MAIP1: variants seen among roughly 807,000 people sequenced by gnomAD.
MAIP1 encodes m-AAA protease-interacting protein 1, mitochondrial.
MAIP1 carries 28 observed loss-of-function variants against 31.2 expected under a neutral mutation model. The ratio of observed to expected loss-of-function variants is 0.90; its 90% CI spans 0.67 to 1.23. The LOEUF is 1.23. MAIP1 is among the 50% of genes most tolerant of loss of function. The probability of loss-of-function intolerance (pLI) is 0.00; values close to 1 mark genes in which losing one functional copy is unlikely to be tolerated. For missense variants in MAIP1, 339 were observed against 356.0 expected (o/e 0.95, Z 0.38); for synonymous variants, 142 against 142.3 (o/e 1.00, Z 0.02).
At position 199,955,819 on chromosome 2, in the gene MAIP1, G is replaced by C; in HGVS notation, c.21G>C (p.Leu7Phe). Reference protein sequence around the residue: MALAARLLPQFLHSRSL... With the variant: MALAARFLPQFLHSRSL... ...TAAAAATGGCGCTGGCCGCTCGTTT[G>C]CTACCCCAGTTCCTGCACTCTCGGT... Residue 7 changes from leucine to phenylalanine, a missense_variant, in exon 1 of 5, where the codon TTG (leucine) becomes TTC (phenylalanine). Physicochemically the swap from Leu to Phe is conservative, Grantham distance 22. Transcript: ENST00000392290. 6.6e-7 allele frequency: 1 copy of C among 1,516,708 alleles called. No individual in the cohort carries two copies. Among genetic ancestry groups the C allele is most frequent in the Non-Finnish European group, 8.8e-7 (1 of 1,134,126 alleles). 94.0% of individuals were successfully genotyped at this position (1,516,708 alleles called of 1,614,324 possible). A position where few individuals can be genotyped will look rare whatever the true frequency, so the allele number is the denominator to read the frequency against.
intron 1 of MAIP1, 116 bp from the exon 2 acceptor site, chr2:199,959,152 G>A (rs544952343): frequency 8.1e-6 from 5 of 615,908 alleles, no homozygotes; most frequent in Non-Finnish European, 1.5e-5. Flanking sequence ...AATATTTGAT[G>A]TTGTTTATCA....
At chr2:199,955,456 G>T (rs371095372), upstream of MAIP1, 1 of 1,613,832 alleles carries the variant, frequency 6.2e-7, no homozygotes, top group Non-Finnish European at 8.5e-7. Flanking sequence ...GTACCGGGAG[G>T]TGCTGCCCGG....
Position 199,955,664 on chromosome 2 carries a change from G to A in MAIP1, c.-135G>A, listed in dbSNP as rs1345187295. The A allele has an allele frequency of 8.9e-6, 10 of 1,122,816 alleles. No individual in the cohort carries two copies. The highest frequency in any genetic ancestry group is 1.1e-5 in the Non-Finnish European group (9 of 808,186). 69.6% of individuals were successfully genotyped at this position (1,122,816 alleles called of 1,614,324 possible). ...GGCTGCGTGCTGGAGAGCGGGGACG[G>A]GGCCGACTCACCAGAGGCTGCAGCA... On this transcript the variant is annotated 5_prime_UTR_variant, in exon 1 of 5. Coordinates refer to ENST00000392290, the MANE Select transcript of MAIP1 (RefSeq NM_001394955.1).
In MAIP1 at chr2:199,955,795, A is replaced by C. The variant is rs1244479366; in HGVS notation, c.-4A>C. The C allele has an allele frequency of 6.6e-7, 1 of 1,515,948 alleles. No individual in the cohort carries two copies. The highest frequency in any genetic ancestry group is 1.4e-5 in the African/African-American group (1 of 71,572). 93.9% of individuals were successfully genotyped at this position (1,515,948 alleles called of 1,614,324 possible). On this transcript the variant is annotated 5_prime_UTR_variant, in exon 1 of 5. Coordinates refer to ENST00000392290, the MANE Select transcript of MAIP1 (RefSeq NM_001394955.1). The stretch of plus-strand genomic sequence containing the variant: ...GGCAGGCACCGGTGTGAAGGGTCAT[A>C]AAAATGGCGCTGGCCGCTCGTTTGC...
In MAIP1 at chr2:199,957,429, C is replaced by T. The variant is rs539408180; in HGVS notation, c.450+1181C>T. Among the ~76,000 whole-genome samples the T allele has an allele frequency of 2.6e-5, 4 of 152,224 alleles. No homozygotes were observed. In the East Asian group the frequency reaches 5.8e-4, roughly 22 times the overall value. ...CAAACAAAAAAACCACAATAGAAGT[C>T]AGAAAGTTTATTTCCCGCTTCATAC... On this transcript the variant is annotated intron_variant, in intron 1 of 4. Coordinates refer to ENST00000392290, the MANE Select transcript of MAIP1 (RefSeq NM_001394955.1).
rs146994812 is a variant in MAIP1 at position 199,961,928 on chromosome 2, A to G, written c.797A>G (p.Glu266Gly). The G allele has an allele frequency of 6.2e-7, 1 of 1,611,084 alleles. No individual in the cohort carries two copies. The highest frequency in any genetic ancestry group is 1.3e-5 in the African/African-American group (1 of 74,832). The change falls in exon 4 of 5, where the codon GAG becomes GGG. Residue 266 changes from glutamate to glycine, a missense_variant and splice_region_variant. Glu to Gly is a moderately conservative substitution (Grantham distance 98). Transcript: ENST00000392290. ...ETKQLLSASY[E>G]FQREFTQGVK... ...AAACAACTTCTTAGTGCAAGCTATGAGTAAGTTTAATCAGATTTCATTGTT... is the reference window on the plus strand; with the variant it reads ...AAACAACTTCTTAGTGCAAGCTATGGGTAAGTTTAATCAGATTTCATTGTT...
upstream of MAIP1, chr2:199,955,339 A>G (rs1292979626): frequency 2.5e-6 from 4 of 1,589,680 alleles, no homozygotes; most frequent in Non-Finnish European, 3.4e-6. Flanking sequence ...TCCGAAAGGT[A>G]AAGACGTGTC....
At chr2:199,963,671 T>G in intron 4 of MAIP1, 62 bp from the exon 5 acceptor site, 1 of 965,580 alleles carries the variant, frequency 1.0e-6, no homozygotes, top group East Asian at 2.5e-5. Flanking sequence ...GCAAATTACA[T>G]AGTTATCTAA....
At chr2:199,958,734 C>G (rs2077621100) in intron 1 of MAIP1, among the ~76,000 whole-genome samples, 1 of 152,198 alleles carries the variant, frequency 6.6e-6, no homozygotes. Flanking sequence ...GTTTTTCCCT[C>G]CTTGAAAATG....
intron 1 of MAIP1, among the ~76,000 whole-genome samples, chr2:199,956,518 GC>G (rs1358714415): frequency 6.6e-6 from 1 of 152,172 alleles, no homozygotes; most frequent in East Asian, 1.9e-4. Flanking sequence ...CTGTGATCGT[GC>G]CATTGCACTC....
chr2:199,960,984 T>C (rs2077633546), intron 3 of MAIP1, among the ~76,000 whole-genome samples: 1 of 152,214 alleles, frequency 6.6e-6, no homozygotes, highest in Admixed American at 6.5e-5. Context: ...CCATGGTCAC[T>C]AACTAATTTT....
upstream of MAIP1, chr2:199,955,579 G>C (rs2077593379): frequency 7.1e-7 from 1 of 1,415,460 alleles, no homozygotes; most frequent in African/African-American, 1.4e-5. Flanking sequence ...CCGCGAGGCC[G>C]GCAGACTCCA....
Position 199,955,969 on chromosome 2 carries a change from C to T in MAIP1, c.171C>T (p.Ser57=). The change falls in exon 1 of 5, where the codon AGC becomes AGT. Residue 57 remains serine, a synonymous_variant. Coordinates refer to ENST00000392290, the MANE Select transcript of MAIP1 (RefSeq NM_001394955.1). ...LGLGAALFPR[S]ARALAASALP... is the part of the protein sequence containing the mutation. The stretch of plus-strand genomic sequence containing the variant: ...TGGGAGCGGCGTTATTTCCACGAAG[C>T]GCTAGGGCCTTGGCAGCCTCGGCGC... 6.2e-7 allele frequency: 1 copy of T among 1,612,066 alleles called. No individual in the cohort carries two copies. The highest frequency in any genetic ancestry group is 1.7e-4 in the Middle Eastern group (1 of 6,050).
At chr2:199,963,703 G>T in intron 4 of MAIP1, 30 bp from the exon 5 acceptor site, 1 of 1,387,220 alleles carries the variant, frequency 7.2e-7, no homozygotes. Flanking sequence ...ACTGATGTAA[G>T]ATTTACATTA....
In MAIP1 at chr2:199,955,797, A is replaced by T; in HGVS notation, c.-2A>T. ...CAGGCACCGGTGTGAAGGGTCATAA[A>T]AATGGCGCTGGCCGCTCGTTTGCTA... On this transcript the variant is annotated 5_prime_UTR_variant, in exon 1 of 5. Coordinates refer to ENST00000392290, the MANE Select transcript of MAIP1 (RefSeq NM_001394955.1). The T allele has an allele frequency of 1.3e-6, 2 of 1,516,072 alleles. No homozygotes were observed. The highest frequency in any genetic ancestry group is 1.8e-6 in the Non-Finnish European group (2 of 1,134,056). The allele number at this position is 1,516,072 out of a possible 1,614,324, so 93.9% of individuals were successfully genotyped here. A position where few individuals can be genotyped will look rare whatever the true frequency, so the allele number is the denominator to read the frequency against.
In MAIP1 at chr2:199,959,778, G is replaced by T. The variant is rs753070404; in HGVS notation, c.547G>T (p.Val183Phe). The T allele has an allele frequency of 6.2e-7, 1 of 1,612,370 alleles. No individual in the cohort carries two copies. The highest frequency in any genetic ancestry group is 1.7e-5 in the Admixed American group (1 of 59,940). ...GGTGCTACATGCATTGAAAGAAAAG[G>T]TTACTTCACTACCTGACAACCATAA... ...KEVLHALKEK[V>F]TSLPDNHKNA... The change falls in exon 3 of 5, where the codon GTT (valine) becomes TTT (phenylalanine). Residue 183 changes from valine to phenylalanine, a missense_variant. Physicochemically the swap from Val to Phe is conservative, Grantham distance 50 (BLOSUM62 -1). Coordinates refer to ENST00000392290, the MANE Select transcript of MAIP1 (RefSeq NM_001394955.1).
In MAIP1 at chr2:199,959,406, T is replaced by A. The variant is rs1574820385; in HGVS notation, c.522+67T>A. On this transcript the variant is annotated intron_variant, in intron 2 of 4. Transcript: ENST00000392290. ...TCTCTTGCAATAGAATGATGCACATTTTCCTTATTTATGCTTAAAAATAGT... is the reference window on the plus strand; with the variant it reads ...TCTCTTGCAATAGAATGATGCACATATTCCTTATTTATGCTTAAAAATAGT... The A allele has an allele frequency of 5.5e-6, 5 of 909,678 alleles. No homozygotes were observed. The East Asian group carries it at 1.2e-4, about 22-fold the overall frequency. The allele number at this position is 909,678 out of a possible 1,614,324, so 56.4% of individuals were successfully genotyped here. A position where few individuals can be genotyped will look rare whatever the true frequency, so the allele number is the denominator to read the frequency against.
chr2:199,960,354 G>A (rs1466957813), intron 3 of MAIP1, among the ~76,000 whole-genome samples: 1 of 152,128 alleles, frequency 6.6e-6, no homozygotes, highest in Non-Finnish European at 1.5e-5. Flanking sequence ...GAAAAAAGTT[G>A]GTAGGAAATT....
chr2:199,961,063 C>T (rs945325702), intron 3 of MAIP1, among the ~76,000 whole-genome samples: 2 of 152,294 alleles, frequency 1.3e-5, no homozygotes, highest in African/African-American at 4.8e-5. Flanking sequence ...AGCCTTTACT[C>T]TTTCTGGCAG....
Sources: gnomAD v4.1 joint callset for allele counts (sites outside exome capture counted in the v4.1 genomes callset) on GRCh38, gnomAD v4.1.1 for gene constraint, MANE v1.5 for transcripts, NCBI Gene and HGNC (gene_info 2026-07-23, HGNC 2026-07-21) for gene names.